Variants in SOX5 observed in about 807,000 individuals in gnomAD.
SOX5 encodes the protein SRY-box transcription factor 5, also known as transcription factor SOX-5.
In SOX5, 9 loss-of-function variants were observed where a neutral mutation model predicts 92.0. The observed-to-expected ratio is 0.10, with a 90% CI of 0.06 to 0.17. The LOEUF (loss-of-function observed/expected upper bound fraction) is 0.17. SOX5 is among the 10% of genes least tolerant of loss of function. SOX5 has a pLI of 1.00. For synonymous variants in SOX5, 344 were observed against 336.3 expected (o/e 1.02, Z -0.25); for missense variants, 642 against 944.5 (o/e 0.68, Z 4.20).
chr12:23,688,436 A>T (rs995349867), intron 6 of SOX5, among the ~76,000 whole-genome samples: 13 of 152,088 alleles, frequency 8.5e-5, no homozygotes, highest in Non-Finnish European at 1.6e-4. Context: ...GAGAATAGTA[A>T]CTTGTTCTTC....
chr12:24,398,165 T>C (rs993526785), intron 1 of SOX5, among the ~76,000 whole-genome samples: 1 of 152,204 alleles, frequency 6.6e-6, no homozygotes, highest in African/African-American at 2.4e-5. Context: ...TTATTTTTTA[T>C]AGAAAGAATA....
intron 2 of SOX5, among the ~76,000 whole-genome samples, chr12:23,890,890 A>G (rs1212852675): frequency 6.6e-6 from 1 of 152,120 alleles, no homozygotes; most frequent in Non-Finnish European, 1.5e-5. Flanking sequence ...AAAGCTCAGG[A>G]CTGCCTTTTC....
chr12:23,541,978 C>T (rs1942153519), intron 13 of SOX5, among the ~76,000 whole-genome samples: 1 of 152,110 alleles, frequency 6.6e-6, no homozygotes, highest in Non-Finnish European at 1.5e-5. Context: ...GGCATGGTGT[C>T]CCGCGCCTGT....
chr12:24,181,294 C>A (rs1955473913), intron 4 of SOX5, among the ~76,000 whole-genome samples: 1 of 152,158 alleles, frequency 6.6e-6, no homozygotes, highest in African/African-American at 2.4e-5. Flanking sequence ...TGGTTGGATT[C>A]TCTTCTCTAC....
intron 2 of SOX5, among the ~76,000 whole-genome samples, chr12:24,290,291 C>A (rs927328573): frequency 1.3e-5 from 2 of 152,160 alleles, no homozygotes; most frequent in African/African-American, 4.8e-5. Flanking sequence ...TGACCATAGA[C>A]TCTAATATCT....
intron 3 of SOX5, among the ~76,000 whole-genome samples, chr12:23,804,916 TATATATATATATATATATA>T: frequency 3.0e-4 from 1 of 3,304 alleles, no homozygotes; most frequent in Non-Finnish European, 1.4e-3. Context: ...ATCATTGTTT[TATATATATATATATATATA>T]TATATATATA....
chr12:24,245,456 C>G (rs1309056101), intron 3 of SOX5, among the ~76,000 whole-genome samples: 1 of 152,080 alleles, frequency 6.6e-6, no homozygotes, highest in African/African-American at 2.4e-5. Flanking sequence ...ACTGGACAAC[C>G]TGACTTCCCT....
At chr12:24,053,938 C>T (rs145878629) in intron 4 of SOX5, among the ~76,000 whole-genome samples, 19 of 152,274 alleles carry the variant, frequency 1.2e-4, no homozygotes, top group African/African-American at 2.9e-4. Flanking sequence ...AAGTGACTTG[C>T]GCAAAGCCTT....
At position 23,551,142 on chromosome 12, in the gene SOX5, G is replaced by A. The variant is rs1352549265; in HGVS notation, c.1489-4718C>T. 2.0e-5 allele frequency among the ~76,000 whole-genome samples: 3 copies of A among 151,948 alleles called. No homozygotes were observed. The East Asian group carries it at 5.8e-4, about 29-fold the overall frequency. On this transcript the variant is annotated intron_variant, in intron 11 of 14. Coordinates refer to ENST00000451604, the MANE Select transcript of SOX5 (RefSeq NM_006940.6). ...ACAGAATAGAGTGTGACTGTCAAAT[G>A]TTGACTCAGTAACAGTTAAACCTCT...
At chr12:24,552,697 A>G (rs1953313348) in intron 1 of SOX5, among the ~76,000 whole-genome samples, 1 of 152,242 alleles carries the variant, frequency 6.6e-6, no homozygotes, top group South Asian at 2.1e-4. Context: ...ATAATAAGCA[A>G]CATTTAGAAA....
At chr12:24,536,180 T>C (rs573767764) in intron 1 of SOX5, among the ~76,000 whole-genome samples, 26 of 152,326 alleles carry the variant, frequency 1.7e-4, no homozygotes, top group African/African-American at 6.3e-4. Flanking sequence ...CCTCAAAAGA[T>C]GTTTCAGGTG....
chr12:23,533,431 C>CTAACT lies in SOX5; in HGVS notation c.*783_*787dup, dbSNP rs1292220963. ...GGATTGTCTAAGATTTAACACTGTC[C>CTAACT]TAACTTAAGAAGGAAAAGGAAAAAG... On this transcript the variant is annotated 3_prime_UTR_variant, in exon 15 of 15. Coordinates refer to ENST00000451604, the MANE Select transcript of SOX5 (RefSeq NM_006940.6). 6.8e-5 allele frequency: 14 copies of CTAACT among 206,528 alleles called. No individual in the cohort carries two copies. Among genetic ancestry groups the CTAACT allele is most frequent in the Admixed American group, 4.8e-4 (9 of 18,918 alleles). 12.8% of individuals were successfully genotyped at this position (206,528 alleles called of 1,614,324 possible). A position where few individuals can be genotyped will look rare whatever the true frequency, so the allele number is the denominator to read the frequency against.
At position 23,820,375 on chromosome 12, in the gene SOX5, C is replaced by A. The variant is rs577376017; in HGVS notation, c.481+25608G>T. Among the ~76,000 whole-genome samples the A allele has an allele frequency of 3.9e-4, 60 of 152,302 alleles. 1 individual carries two copies. Among genetic ancestry groups the A allele is most frequent in the African/African-American group, 1.4e-3 (59 of 41,572 alleles). On this transcript the variant is annotated intron_variant, in intron 3 of 14. Coordinates refer to ENST00000451604, the MANE Select transcript of SOX5 (RefSeq NM_006940.6). ...AAATTTTCTCCCATTCTGTAGGTTG[C>A]ATGTTCACTCTGATGACAGTTTCCT...
intron 4 of SOX5, among the ~76,000 whole-genome samples, chr12:24,184,657 CAA>C (rs1955844812): frequency 6.6e-6 from 1 of 152,064 alleles, no homozygotes; most frequent in Non-Finnish European, 1.5e-5. Flanking sequence ...GTACAGCTAA[CAA>C]AAGAGTGGGT....
chr12:23,556,657 T>C (rs1175020838), intron 11 of SOX5, among the ~76,000 whole-genome samples: 1 of 152,250 alleles, frequency 6.6e-6, no homozygotes, highest in Non-Finnish European at 1.5e-5. Flanking sequence ...CTATTTCTAA[T>C]TTGACTTTTA....
intron 8 of SOX5, among the ~76,000 whole-genome samples, chr12:23,626,201 C>T (rs905388468): frequency 6.6e-6 from 1 of 151,650 alleles, no homozygotes; most frequent in Non-Finnish European, 1.5e-5. Context: ...TTTAGAAGCC[C>T]TAAGGACCAA....
chr12:24,099,651 G>A (rs1015378627), intron 4 of SOX5, among the ~76,000 whole-genome samples: 47 of 152,120 alleles, frequency 3.1e-4, no homozygotes, highest in African/African-American at 1.1e-3. Context: ...GTCTTGGGAA[G>A]GGGATCTGGG....
intron 2 of SOX5, among the ~76,000 whole-genome samples, chr12:24,321,055 T>A (rs377174843): frequency 6.6e-6 from 1 of 152,164 alleles, no homozygotes. Context: ...TGCTAAGGCA[T>A]CCACATTTCC....
At chr12:24,107,673 G>A (rs998644801) in intron 4 of SOX5, among the ~76,000 whole-genome samples, 10 of 152,164 alleles carry the variant, frequency 6.6e-5, no homozygotes, top group African/African-American at 1.4e-4. Context: ...CATCTTTAAC[G>A]TAAGAGGATG....
Sources: gnomAD v4.1 joint callset for allele counts (sites outside exome capture counted in the v4.1 genomes callset) on GRCh38, gnomAD v4.1.1 for gene constraint, MANE v1.5 for transcripts, NCBI Gene and HGNC (gene_info 2026-07-23, HGNC 2026-07-21) for gene names.